VPS13A: variants seen among roughly 807,000 people sequenced by gnomAD.
The protein encoded by VPS13A is intermembrane lipid transfer protein VPS13A.
A neutral mutation model predicts 390.9 loss-of-function variants in VPS13A; 264 were observed. The observed-to-expected ratio is 0.68, with a 90% CI of 0.61 to 0.75. VPS13A has a LOEUF of 0.75. Ranked by LOEUF, VPS13A falls within the 30% of genes least tolerant of loss-of-function variation. The pLI, the probability that VPS13A is intolerant of heterozygous loss-of-function variation, is 0.00. For synonymous variants in VPS13A, 1,231 were observed against 1,227.1 expected (o/e 1.00, Z -0.07); for missense variants, 3,409 against 3,733.9 (o/e 0.91, Z 2.27).
chr9:77,384,663 G>A (rs1833607429), intron 68 of VPS13A: 1 of 1,602,582 alleles, frequency 6.2e-7, no homozygotes, highest in African/African-American at 1.3e-5. Flanking sequence ...TGATGATGAT[G>A]AGTCAGATCT....
At chr9:77,194,916 C>T (rs933227336) in intron 1 of VPS13A, among the ~76,000 whole-genome samples, 1 of 152,112 alleles carries the variant, frequency 6.6e-6, no homozygotes, top group Non-Finnish European at 1.5e-5. Flanking sequence ...TGACTCCTCT[C>T]TGTTGTCTGT....
intron 61 of VPS13A, among the ~76,000 whole-genome samples, chr9:77,367,495 A>C (rs1832498019): frequency 6.6e-6 from 1 of 152,226 alleles, no homozygotes; most frequent in Non-Finnish European, 1.5e-5. Context: ...TGTCAAATAA[A>C]AGTACACAGG....
chr9:77,411,921 G>A (rs768848725), intron 71 of VPS13A, among the ~76,000 whole-genome samples: 175 of 152,106 alleles, frequency 1.2e-3, no homozygotes, highest in Non-Finnish European at 1.5e-3. Context: ...TACCACCACC[G>A]ATCCCACAGA....
chr9:77,321,103 G>T, intron 42 of VPS13A, 66 bp from the exon 43 acceptor site: 1 of 1,410,758 alleles, frequency 7.1e-7, no homozygotes, highest in Non-Finnish European at 9.9e-7. Context: ...TGTTGGTATT[G>T]GGATTTGTCT....
At chr9:77,211,298 T>C (rs1379568110) in intron 7 of VPS13A, 1 of 152,134 alleles carries the variant, frequency 6.6e-6, no homozygotes, top group Non-Finnish European at 1.5e-5. Flanking sequence ...GTATCCTAAA[T>C]TTTAAAACTT....
At chr9:77,177,896 C>A in intron 1 of VPS13A, 92 bp downstream of exon 1, 1 of 1,209,568 alleles carries the variant, frequency 8.3e-7, no homozygotes, top group South Asian at 1.3e-5. Flanking sequence ...GGGCTTCGAG[C>A]ACCTTGCTCG....
At position 77,302,899 on chromosome 9, in the gene VPS13A, T is replaced by G. The variant is rs759381110; in HGVS notation, c.3813-16T>G. ...GTATATGAAACAATTTAAAAGAATG[T>G]TATCTCTACTTATAGATCTCGATTT... On this transcript the variant is annotated splice_polypyrimidine_tract_variant and intron_variant, in intron 33 of 71. Transcript: ENST00000360280. The G allele has an allele frequency of 6.2e-7, 1 of 1,608,408 alleles. No individual in the cohort carries two copies. The highest frequency in any genetic ancestry group is 8.5e-7 in the Non-Finnish European group (1 of 1,175,050).
chr9:77,279,399 CCTGCCACTCT>C (rs1359241700), intron 26 of VPS13A, among the ~76,000 whole-genome samples: 3 of 152,084 alleles, frequency 2.0e-5, no homozygotes, highest in South Asian at 2.1e-4. Flanking sequence ...GCCATGCTGC[CCTGCCACTCT>C]CTGCCACTCT....
chr9:77,387,113 A>G (rs1478355734), intron 68 of VPS13A, among the ~76,000 whole-genome samples: 1 of 148,840 alleles, frequency 6.7e-6, no homozygotes, highest in Non-Finnish European at 1.5e-5. Context: ...TTGAAAAAAA[A>G]CTTGAATTTT....
At chr9:77,345,249 T>A in intron 52 of VPS13A, 107 bp downstream of exon 52, 1 of 1,245,740 alleles carries the variant, frequency 8.0e-7, no homozygotes, top group Non-Finnish European at 1.2e-6. Context: ...AATAGCATTG[T>A]AGCTGTGTAA....
intron 47 of VPS13A, chr9:77,339,296 A>C: frequency 1.8e-6 from 1 of 547,208 alleles, no homozygotes; most frequent in South Asian, 2.6e-5. Context: ...TAAGTCATTT[A>C]GACCATTTTA....
intron 53 of VPS13A, 103 bp from the exon 54 acceptor site, chr9:77,353,306 C>T (rs887086566): frequency 7.6e-5 from 63 of 830,202 alleles, no homozygotes; most frequent in Non-Finnish European, 1.0e-4. Flanking sequence ...AAGTAGGTGC[C>T]ATTAATAGTC....
chr9:77,399,167 TAAAAAA>T (rs763173093), intron 68 of VPS13A, among the ~76,000 whole-genome samples: 5,412 of 86,146 alleles, frequency 0.063, 349 homozygotes, highest in African/African-American at 0.19. Context: ...TAGAGTATAA[TAAAAAA>T]AAAAAAATAA....
chr9:77,347,526 G>C (rs574735319), intron 52 of VPS13A, among the ~76,000 whole-genome samples: 1 of 151,976 alleles, frequency 6.6e-6, no homozygotes, highest in Non-Finnish European at 1.5e-5. Flanking sequence ...GCCCAGGCTG[G>C]AGTGCAGTGG....
chr9:77,291,797 A>C (rs1827679783), intron 31 of VPS13A, among the ~76,000 whole-genome samples: 1 of 152,132 alleles, frequency 6.6e-6, no homozygotes, highest in Non-Finnish European at 1.5e-5. Flanking sequence ...ACTCCTAGCC[A>C]GGGCTGTTTC....
rs752949413 is a variant in VPS13A, at chr9:77,283,645, A to C, written c.3334A>C (p.Lys1112Gln). Residue 1112 changes from lysine (K) to glutamine (Q), a missense_variant, in exon 31 of 72, where the codon AAA becomes CAA. Physicochemically the swap from Lys to Gln is moderately conservative, Grantham distance 53. Coordinates refer to ENST00000360280, the MANE Select transcript of VPS13A (RefSeq NM_033305.3). ...AGATTCTGATATAACAGCTATATAC[A>C]AAAAGGTAAGAATTCTTTTAATTAA... ...VLDSDITAIY[K>Q]KAVYITGKEV... 6.3e-7 allele frequency: 1 copy of C among 1,599,210 alleles called. No individual in the cohort carries two copies. The highest frequency in any genetic ancestry group is 2.2e-5 in the East Asian group (1 of 44,508).
In VPS13A at chr9:77,321,094, G is replaced by A. The variant is rs1587576102; in HGVS notation, c.5416-75G>A. ...GATAAAATGTACTGACCTTTCTAAT[G>A]TTGGTATTGGGATTTGTCTAGTTAT... On this transcript the variant is annotated intron_variant, in intron 42 of 71. Coordinates refer to ENST00000360280, the MANE Select transcript of VPS13A (RefSeq NM_033305.3). 2.7e-5 allele frequency: 36 copies of A among 1,328,536 alleles called. 1 individual carries two copies. The East Asian group carries it at 8.6e-4, about 32-fold the overall frequency. 82.3% of individuals were successfully genotyped at this position (1,328,536 alleles called of 1,614,324 possible). A position where few individuals can be genotyped will look rare whatever the true frequency, so the allele number is the denominator to read the frequency against.
intron 31 of VPS13A, 120 bp from the exon 32 acceptor site, chr9:77,293,221 G>T (rs1827776543): frequency 1.1e-6 from 1 of 872,620 alleles, no homozygotes; most frequent in Non-Finnish European, 1.8e-6. Context: ...TTTGTACTTG[G>T]CTTGTGAATA....
At chr9:77,213,141 A>C in intron 8 of VPS13A, 93 bp from the exon 9 acceptor site, 1 of 1,533,530 alleles carries the variant, frequency 6.5e-7, no homozygotes, top group Admixed American at 1.7e-5. Context: ...TAACTCTGTG[A>C]TATGGCTCAC....
Sources: gnomAD v4.1 joint callset for allele counts (sites outside exome capture counted in the v4.1 genomes callset) on GRCh38, gnomAD v4.1.1 for gene constraint, MANE v1.5 for transcripts, NCBI Gene and HGNC (gene_info 2026-07-23, HGNC 2026-07-21) for gene names.